The following RPH3AL variants were observed in gnomAD, a reference collection of about 807,000 sequenced individuals.
The protein encoded by RPH3AL is rab effector Noc2.
Under a neutral mutation model 43.1 loss-of-function variants are expected in RPH3AL, and 38 were observed. That is an observed-to-expected ratio of 0.88 (90% CI 0.68 to 1.15). The LOEUF (loss-of-function observed/expected upper bound fraction) is 1.15. RPH3AL is among the 50% of genes most tolerant of loss of function. The pLI, the probability that RPH3AL is intolerant of heterozygous loss-of-function variation, is 0.00. For synonymous variants in RPH3AL, 189 were observed against 176.3 expected (o/e 1.07, Z -0.57); for missense variants, 462 against 423.2 (o/e 1.09, Z -0.81).
chr17:241,711 C>CTTTTTTTTTTTTTTTTTTTTTTTTTT (rs1001979455), intron 7 of RPH3AL, among the ~76,000 whole-genome samples: 6 of 92,760 alleles, frequency 6.5e-5, no homozygotes, highest in Admixed American at 2.2e-4. Context: ...GTTTCTTTTT[C>CTTTTTTTTTTTTTTTTTTTTTTTTTT]TTTTTTTTTC....
intron 5 of RPH3AL, among the ~76,000 whole-genome samples, chr17:317,920 C>T (rs1331154098): frequency 6.8e-6 from 1 of 147,264 alleles, no homozygotes; most frequent in East Asian, 2.0e-4. Context: ...CACCCCACCC[C>T]ATCCTCCATC....
intron 7 of RPH3AL, among the ~76,000 whole-genome samples, chr17:243,782 TTGATTACCCTTCCTCTAC>T (rs1567578478): frequency 6.6e-6 from 1 of 151,020 alleles, no homozygotes; most frequent in East Asian, 2.0e-4. Flanking sequence ...CCTTCCTCTA[TTGATTACCCTTCCTCTAC>T]TGATTGCCCC....
chr17:314,274 C>A (rs1418455152), intron 5 of RPH3AL, among the ~76,000 whole-genome samples: 1 of 152,188 alleles, frequency 6.6e-6, no homozygotes, highest in Non-Finnish European at 1.5e-5. Flanking sequence ...TCTCCACAGG[C>A]CCCTATACCT....
intron 1 of RPH3AL, among the ~76,000 whole-genome samples, chr17:341,670 G>C (rs896671494): frequency 7.9e-5 from 12 of 152,122 alleles, no homozygotes; most frequent in Non-Finnish European, 1.8e-4. Flanking sequence ...TGATTTCTTA[G>C]ATGACACCAT....
Position 333,660 on chromosome 17 carries a change from GA to G in RPH3AL, c.-37+98del, listed in dbSNP as rs2044862256. On this transcript the variant is annotated intron_variant, in intron 2 of 9. Transcript: ENST00000331302. The surrounding 1 kb of genome is among the most constrained non-coding windows in gnomAD (Gnocchi z 4.5). Reference sequence around the variant, plus strand: ...ATTTTGCTCGATTATATGCAGCACTGAAATGGACATCCTGGCAGATAAATCT... The same window carrying G: ...ATTTTGCTCGATTATATGCAGCACTGAATGGACATCCTGGCAGATAAATCT... 5.2e-6 allele frequency: 1 copy of G among 191,500 alleles called. No homozygotes were observed. Among genetic ancestry groups the G allele is most frequent in the Admixed American group, 5.3e-5 (1 of 18,816 alleles). The allele number at this position is 191,500 out of a possible 1,614,324, so 11.9% of individuals were successfully genotyped here.
chr17:344,473 A>ACATCAT lies in RPH3AL; in HGVS notation c.-213+8233_-213+8238dup, dbSNP rs376718422. 7.4e-3 allele frequency among the ~76,000 whole-genome samples: 920 copies of ACATCAT among 124,658 alleles called. 151 individuals carry two copies. The highest frequency in any genetic ancestry group is 0.058 in the Admixed American group (758 of 13,104). 81.8% of individuals were successfully genotyped at this position (124,658 alleles called of 152,430 possible). On this transcript the variant is annotated intron_variant, in intron 1 of 9. Transcript: ENST00000331302. ...ATCACCACTATCATGACCATCACCC[A>ACATCAT]CATCATCATCACCATCACTGTCATC...
At chr17:263,792 C>T (rs182337210) in intron 6 of RPH3AL, among the ~76,000 whole-genome samples, 3 of 152,272 alleles carry the variant, frequency 2.0e-5, no homozygotes, top group South Asian at 2.1e-4. Flanking sequence ...TTGAGAACGT[C>T]GGTATGAGTT....
chr17:273,432 C>T (rs368816935), intron 6 of RPH3AL, among the ~76,000 whole-genome samples: 20 of 16,132 alleles, frequency 1.2e-3, no homozygotes, highest in African/African-American at 1.7e-3. Context: ...CCGGCGAGGG[C>T]GACGTCAGGA....
Position 321,707 on chromosome 17 carries a change from G to A in RPH3AL, c.78-292C>T, listed in dbSNP as rs768355328. On this transcript the variant is annotated intron_variant, in intron 3 of 9. Coordinates refer to ENST00000331302, the MANE Select transcript of RPH3AL (RefSeq NM_006987.4). ...TGTGTGCCGGGGACAAGGCACATGGGCAACAGAGACGGCCCAGGTGCCGTG... is the reference window on the plus strand; with the variant it reads ...TGTGTGCCGGGGACAAGGCACATGGACAACAGAGACGGCCCAGGTGCCGTG... The A allele has an allele frequency of 1.6e-4, 60 of 381,982 alleles. 1 individual carries two copies. The highest frequency in any genetic ancestry group is 5.8e-4 in the South Asian group (10 of 17,298). The allele number at this position is 381,982 out of a possible 1,614,324, so 23.7% of individuals were successfully genotyped here.
chr17:216,569 G>C lies in RPH3AL; in HGVS notation c.728-767C>G, dbSNP rs1421398293. Among the ~76,000 whole-genome samples the C allele has an allele frequency of 2.0e-5, 3 of 152,168 alleles. No homozygotes were observed. The East Asian group carries it at 5.8e-4, about 29-fold the overall frequency. On this transcript the variant is annotated intron_variant, in intron 8 of 9. Coordinates refer to ENST00000331302, the MANE Select transcript of RPH3AL (RefSeq NM_006987.4). ...CCTGCTTGGTCAGAGCTGAGGGTGG[G>C]TGTGGAGCGAGGGGACAAGAGCCCA...
rs12601068 is a variant in RPH3AL at position 289,254 on chromosome 17, C to T, written c.352-7400G>A. 0.1 allele frequency among the ~76,000 whole-genome samples: 15,904 copies of T among 152,046 alleles called. 1,352 individuals are homozygous for T. The highest frequency in any genetic ancestry group is 0.37 in the East Asian group (1,898 of 5,150). On this transcript the variant is annotated intron_variant, in intron 5 of 9. Transcript: ENST00000331302. The surrounding 1 kb of genome is among the most constrained non-coding windows in gnomAD (Gnocchi z 5.2). ...TCAGCACCATAAAAGGTTAGGTAGGCGGCAACCTCAGACCTTTATAGCCAT... is the reference window on the plus strand; with the variant it reads ...TCAGCACCATAAAAGGTTAGGTAGGTGGCAACCTCAGACCTTTATAGCCAT...
At position 289,653 on chromosome 17, in the gene RPH3AL, T is replaced by A. The variant is rs1160832102; in HGVS notation, c.352-7799A>T. On this transcript the variant is annotated intron_variant, in intron 5 of 9. Transcript: ENST00000331302. This position sits in a 1 kb window ranked among gnomAD's most constrained non-coding sequence, Gnocchi z 5.2. ...GACCACCGCCTCACTTCATACGGCA[T>A]TCGGGCCGGCCCTGCCTCCTGCTCT... 1.3e-5 allele frequency among the ~76,000 whole-genome samples: 2 copies of A among 152,200 alleles called. No individual in the cohort carries two copies. The highest frequency in any genetic ancestry group is 2.9e-5 in the Non-Finnish European group (2 of 68,036).
chr17:244,162 T>C (rs2041680680), intron 7 of RPH3AL, among the ~76,000 whole-genome samples: 1 of 148,982 alleles, frequency 6.7e-6, no homozygotes, highest in Non-Finnish European at 1.5e-5. Context: ...TGATTACCCT[T>C]CCTCTATTGA....
chr17:331,857 T>C (rs1464311450), intron 2 of RPH3AL: 1 of 1,289,144 alleles, frequency 7.8e-7, no homozygotes, highest in Non-Finnish European at 1.0e-6. Context: ...GACTGCGCCC[T>C]TGTACTCAGG....
At position 215,603 on chromosome 17, in the gene RPH3AL, G is replaced by A. The variant is rs2040777685; in HGVS notation, c.876+51C>T. On this transcript the variant is annotated intron_variant, in intron 9 of 9. Transcript: ENST00000331302. This position sits in a 1 kb window ranked among gnomAD's most constrained non-coding sequence, Gnocchi z 4.1. ...AGTTTGGGAGGAGTGAGTGAGAGAG[G>A]ACACGGCCGCGGGGGCAGGAGAGGG... The A allele has an allele frequency of 2.4e-6, 3 of 1,251,740 alleles. No homozygotes were observed. The African/African-American group carries it at 4.6e-5, about 19-fold the overall frequency. 77.5% of individuals were successfully genotyped at this position (1,251,740 alleles called of 1,614,324 possible). A position where few individuals can be genotyped will look rare whatever the true frequency, so the allele number is the denominator to read the frequency against.
intron 5 of RPH3AL, among the ~76,000 whole-genome samples, chr17:313,677 C>A (rs1464567226): frequency 6.6e-6 from 1 of 152,180 alleles, no homozygotes; most frequent in East Asian, 1.9e-4. Context: ...TATGCCCTGA[C>A]CCTGGAAAGT....
chr17:267,379 G>C (rs1386956568), intron 6 of RPH3AL, among the ~76,000 whole-genome samples: 1 of 152,364 alleles, frequency 6.6e-6, no homozygotes, highest in East Asian at 1.9e-4. Flanking sequence ...CAGACGGAGT[G>C]GGCTGCATGC....
At position 328,745 on chromosome 17, in the gene RPH3AL, A is replaced by G. The variant is rs918464211; in HGVS notation, c.-36-1166T>C. Among the ~76,000 whole-genome samples, 1 of 152,192 alleles carries G rather than the reference A, an allele frequency of 6.6e-6. No homozygotes were observed. Among genetic ancestry groups the G allele is most frequent in the African/African-American group, 2.4e-5 (1 of 41,438 alleles). On this transcript the variant is annotated intron_variant, in intron 2 of 9. Transcript: ENST00000331302. This position sits in a 1 kb window ranked among gnomAD's most constrained non-coding sequence, Gnocchi z 4.2. The stretch of plus-strand genomic sequence containing the variant: ...TATGATTTACAATGGATTATTATTT[A>G]CAATGGATTATTATTATTTACAATG...
chr17:313,446 C>A (rs2151658409), intron 5 of RPH3AL, among the ~76,000 whole-genome samples: 1 of 152,344 alleles, frequency 6.6e-6, no homozygotes, highest in South Asian at 2.1e-4. Context: ...ACATGCCCAG[C>A]TCGTTCCTGC....
Sources: gnomAD v4.1 joint callset for allele counts (sites outside exome capture counted in the v4.1 genomes callset) on GRCh38, gnomAD v4.1.1 for gene constraint, Gnocchi (gnomAD v3.1) non-coding constraint, MANE v1.5 for transcripts, NCBI Gene and HGNC (gene_info 2026-07-23, HGNC 2026-07-21) for gene names.